PPOX: variants seen among roughly 807,000 people sequenced by gnomAD.
PPOX encodes protoporphyrinogen oxidase, also known as variegate porphyria.
Under a neutral mutation model 54.1 loss-of-function variants are expected in PPOX, and 23 were observed. The ratio of observed to expected loss-of-function variants is 0.43; its 90% CI spans 0.31 to 0.60. The LOEUF (loss-of-function observed/expected upper bound fraction) is 0.60. Among genes scored for constraint, PPOX ranks in the 20% least tolerant of loss-of-function variants. The pLI, the probability that PPOX is intolerant of heterozygous loss-of-function variation, is 0.13. For missense variants in PPOX, 512 were observed against 601.1 expected (o/e 0.85, Z 1.55); for synonymous variants, 224 against 236.1 (o/e 0.95, Z 0.47).
chr1:161,173,670 C>G, downstream of PPOX: 1 of 1,614,174 alleles, frequency 6.2e-7, no homozygotes, highest in Non-Finnish European at 8.5e-7. Flanking sequence ...CATTCATCTT[C>G]AGGTACTGGT....
intron 4 of PPOX, 185 bp downstream of exon 4, chr1:161,167,671 TCTC>T (rs2101858188): frequency 1.1e-6 from 1 of 874,576 alleles, no homozygotes; most frequent in East Asian, 2.8e-5. Context: ...TTCAAGCGAT[TCTC>T]CTGCCTCAGC....
At chr1:161,171,303 G>C (rs891046515), downstream of PPOX, 3 of 1,464,838 alleles carry the variant, frequency 2.0e-6, no homozygotes, top group Non-Finnish European at 2.8e-6. Flanking sequence ...CAGAAAGCAG[G>C]AGCAGATGCG....
downstream of PPOX, chr1:161,175,699 C>CT (rs1663241066): frequency 6.7e-7 from 1 of 1,495,828 alleles, no homozygotes; most frequent in South Asian, 1.3e-5. Flanking sequence ...CTCAGCCTAC[C>CT]TATCCTCTTC....
downstream of PPOX, chr1:161,174,142 T>G: frequency 7.3e-7 from 1 of 1,367,356 alleles, no homozygotes; most frequent in Non-Finnish European, 1.0e-6. Context: ...GCGCGGTGGC[T>G]TACGCCTGTA....
chr1:161,177,188 C>T, downstream of PPOX: 2 of 1,005,652 alleles, frequency 2.0e-6, no homozygotes, highest in Admixed American at 4.9e-5. Context: ...GCGTGGTCCG[C>T]GCTGTGGAGG....
chr1:161,170,439 G>T lies in PPOX; in HGVS notation c.1018G>T (p.Asp340Tyr). The change falls in exon 10 of 13, where the codon GAT (aspartate) becomes TAT (tyrosine). Residue 340 changes from aspartate (D) to tyrosine (Y), a missense_variant. Coordinates refer to ENST00000367999, the MANE Select transcript of PPOX (RefSeq NM_001122764.3). The part of the protein sequence containing the change: ...GFGHLVPSSE[D>Y]PGVLGIVYDS... ...TGGACATTTGGTGCCATCTTCAGAA[G>T]ATCCAGGAGTCCTGGGAATCGTGTA... 1.2e-6 allele frequency: 2 copies of T among 1,612,902 alleles called. No individual in the cohort carries two copies. Among genetic ancestry groups the T allele is most frequent in the Non-Finnish European group, 1.7e-6 (2 of 1,179,588 alleles).
intron 7 of PPOX, 65 bp from the exon 8 acceptor site, chr1:161,169,595 A>G: frequency 4.6e-6 from 7 of 1,529,284 alleles, no homozygotes; most frequent in Non-Finnish European, 6.3e-6. Context: ...GTGAGGCACC[A>G]GAAGTCTCTT....
At chr1:161,175,814 G>C (rs769692096), downstream of PPOX, 8 of 1,614,062 alleles carry the variant, frequency 5.0e-6, no homozygotes, top group Non-Finnish European at 6.8e-6. Flanking sequence ...TTACCTAAGA[G>C]AGGAGATCGT....
At chr1:161,174,041 A>T (rs756992272), downstream of PPOX, 1 of 1,613,520 alleles carries the variant, frequency 6.2e-7, no homozygotes, top group South Asian at 1.1e-5. Context: ...TAAATGTTCC[A>T]TTTCCAGCCT....
chr1:161,171,262 G>A, downstream of PPOX: 3 of 1,604,710 alleles, frequency 1.9e-6, no homozygotes, highest in Middle Eastern at 2.2e-4. Context: ...AAGAATGCGG[G>A]GCAGCAAAGA....
At chr1:161,177,138 A>G (rs1663879674), downstream of PPOX, 1 of 1,461,586 alleles carries the variant, frequency 6.8e-7, no homozygotes, top group Non-Finnish European at 9.2e-7. Context: ...GAGCAGGGGC[A>G]GAGACAGTCA....
At chr1:161,174,782 G>A, downstream of PPOX, 1 of 546,750 alleles carries the variant, frequency 1.8e-6, no homozygotes, top group Non-Finnish European at 3.2e-6. Flanking sequence ...AATCACAGGA[G>A]AGTGTAGGAC....
downstream of PPOX, chr1:161,173,719 T>G (rs1439275249): frequency 6.2e-7 from 1 of 1,613,910 alleles, no homozygotes; most frequent in South Asian, 1.1e-5. Context: ...GTACTGGGGG[T>G]ACGGGAGGCT....
chr1:161,166,346 A>G (rs1658879615), upstream of PPOX: 8 of 1,041,946 alleles, frequency 7.7e-6, no homozygotes, highest in Non-Finnish European at 9.3e-6. Context: ...TTTATTGGTG[A>G]ACGTGATCCG....
chr1:161,176,894 G>C, exon 5 of PPOX: 3 of 1,536,238 alleles, frequency 2.0e-6, no homozygotes, highest in Non-Finnish European at 2.6e-6. Flanking sequence ...CAGGACCGTG[G>C]AGTGGCCTAA....
At position 161,166,886 on chromosome 1, in the gene PPOX, C is replaced by T. The variant is rs1659122120; in HGVS notation, c.39C>T (p.Ser13=). 1 of 1,613,590 alleles carries T rather than the reference C, an allele frequency of 6.2e-7. No homozygotes were observed. Among genetic ancestry groups the T allele is most frequent in the African/African-American group, 1.3e-5 (1 of 74,940 alleles). ...TGGTCGTGCTGGGCGGAGGCATCAG[C>T]GGCTTGGCCGCCAGTTACCACCTGA... ...RTVVVLGGGI[S]GLAASYHLSR... The change falls in exon 2 of 13, where the codon AGC becomes AGT. Residue 13 remains serine (S), a synonymous_variant. Coordinates refer to ENST00000367999, the MANE Select transcript of PPOX (RefSeq NM_001122764.3).
chr1:161,171,360 A>T, downstream of PPOX: 2 of 1,059,584 alleles, frequency 1.9e-6, no homozygotes, highest in Non-Finnish European at 2.7e-6. Context: ...CAGCCCCCTG[A>T]GCCAGGACCA....
chr1:161,171,925 G>C, downstream of PPOX: 1 of 1,614,156 alleles, frequency 6.2e-7, no homozygotes, highest in Non-Finnish European at 8.5e-7. Flanking sequence ...GGAACCAGGT[G>C]GGTAACGTGG....
intron 5 of PPOX, 130 bp downstream of exon 5, chr1:161,168,257 C>A (rs1218365919): frequency 6.4e-7 from 1 of 1,550,416 alleles, no homozygotes; most frequent in Admixed American, 1.7e-5. Flanking sequence ...ACCCCACCCC[C>A]TCATAATTCC....
Sources: gnomAD v4.1 joint callset for allele counts on GRCh38, gnomAD v4.1.1 for gene constraint, MANE v1.5 for transcripts, NCBI Gene and HGNC (gene_info 2026-07-23, HGNC 2026-07-21) for gene names.